Variants in ERCC6 observed in about 807,000 individuals in gnomAD.
ERCC6 encodes the protein DNA excision repair protein ERCC-6.
In ERCC6, 116 loss-of-function variants were observed where a neutral mutation model predicts 158.7. That is an observed-to-expected ratio of 0.73 (90% CI 0.63 to 0.85). The LOEUF is 0.85. Ranked by LOEUF, ERCC6 falls within the 40% of genes least tolerant of loss-of-function variation. The pLI is 0.00. For synonymous variants in ERCC6, 678 were observed against 659.3 expected, an observed-to-expected ratio of 1.03 and a Z score of -0.43; for missense variants, 1,698 against 1,799.4, an observed-to-expected ratio of 0.94 and a Z score of 1.02.
chr10:49,525,958 C>T (rs77184432), intron 4 of ERCC6, among the ~76,000 whole-genome samples: 2,529 of 151,724 alleles, frequency 0.017, 78 homozygotes, highest in African/African-American at 0.059. Flanking sequence ...TGAGCTGCAT[C>T]CTTACTGTTG....
the ERCC6 span, among the ~76,000 whole-genome samples, chr10:49,438,975 G>C: frequency 9.8e-5 from 15 of 152,336 alleles, no homozygotes; most frequent in East Asian, 2.3e-3. Context: ...CTCCGCCCCT[G>C]TGGCTTTGCA....
In ERCC6 at chr10:49,469,770, T is replaced by A. The variant is rs149431274; in HGVS notation, c.3778+412A>T. Reference sequence around the variant, plus strand: ...AACTTTTCTCCCTTGACATAAGCTATCAGCTTTCATACTTCTAGAATGTCT... The same window carrying A: ...AACTTTTCTCCCTTGACATAAGCTAACAGCTTTCATACTTCTAGAATGTCT... On this transcript the variant is annotated intron_variant, in intron 18 of 20. Coordinates refer to ENST00000355832, the MANE Select transcript of ERCC6 (RefSeq NM_000124.4). 3.2e-4 allele frequency among the ~76,000 whole-genome samples: 49 copies of A among 152,332 alleles called. No homozygotes were observed. The East Asian group carries it at 6.2e-3, about 19-fold the overall frequency.
chr10:49,462,264 G>C (rs1238341182), intron 18 of ERCC6, among the ~76,000 whole-genome samples: 1 of 152,116 alleles, frequency 6.6e-6, no homozygotes, highest in Non-Finnish European at 1.5e-5. Context: ...TAATCACTGA[G>C]AAAAACTTAT....
chr10:49,447,370 T>C, the ERCC6 span, among the ~76,000 whole-genome samples: 1 of 152,070 alleles, frequency 6.6e-6, no homozygotes. Flanking sequence ...CATCACCCCA[T>C]AAAAGAACCC....
intron 18 of ERCC6, among the ~76,000 whole-genome samples, chr10:49,465,949 T>G: frequency 6.8e-6 from 1 of 147,848 alleles, no homozygotes; most frequent in African/African-American, 2.5e-5. Flanking sequence ...AAGGAAGGGG[T>G]GGGGACAGGG....
chr10:49,532,901 G>T lies in ERCC6; in HGVS notation c.64C>A (p.Pro22Thr). The change falls in exon 2 of 21, where the codon CCT becomes ACT. Residue 22 changes from proline (P) to threonine (T), a missense_variant. By Grantham distance (38) the Pro-to-Thr change is conservative. Transcript: ENST00000355832. ...GCCATTTCTTCATTATTACTGACAG[G>T]TTGACTCTGTAAACAGTCTTGCTCC... is the stretch of plus-strand genomic sequence containing the variant. ...TQEQDCLQSQ[P>T]VSNNEEMAIK... 1 of 1,614,196 alleles carries T rather than the reference G, an allele frequency of 6.2e-7. No homozygotes were observed. The highest frequency in any genetic ancestry group is 8.5e-7 in the Non-Finnish European group (1 of 1,180,044).
At chr10:49,512,270 C>A (rs1320781341) in intron 5 of ERCC6, among the ~76,000 whole-genome samples, 2 of 152,000 alleles carry the variant, frequency 1.3e-5, no homozygotes, top group Non-Finnish European at 2.9e-5. Flanking sequence ...GGAAATCAAG[C>A]CAAAAGAGAA....
At chr10:49,533,197 G>C (rs1387918468) in intron 1 of ERCC6, among the ~76,000 whole-genome samples, 1 of 152,156 alleles carries the variant, frequency 6.6e-6, no homozygotes, top group Non-Finnish European at 1.5e-5. Context: ...AAGAAATGCA[G>C]TATCATCAAC....
chr10:49,515,452 T>G, intron 5 of ERCC6: 1 of 1,614,172 alleles, frequency 6.2e-7, no homozygotes, highest in Non-Finnish European at 8.5e-7. Flanking sequence ...TGTTTGACTA[T>G]CACATGATTT....
At chr10:49,435,219 A>C in the ERCC6 span, among the ~76,000 whole-genome samples, 1 of 152,318 alleles carries the variant, frequency 6.6e-6, no homozygotes, top group East Asian at 1.9e-4. Flanking sequence ...AAAATCAAAA[A>C]CTGATAGATT....
In ERCC6 at chr10:49,478,218, C is replaced by T; in HGVS notation, c.2286+136G>A. 6 of 782,054 alleles carry T rather than the reference C, an allele frequency of 7.7e-6. No individual in the cohort carries two copies. The South Asian group carries it at 8.1e-5, about 11-fold the overall frequency. 48.4% of individuals were successfully genotyped at this position (782,054 alleles called of 1,614,324 possible). ...GAGAAGAATCCACTGAGGGCAGACG[C>T]CACAGCGGGCCTAGCCTGCCCACAG... On this transcript the variant is annotated intron_variant, in intron 11 of 20. Coordinates refer to ENST00000355832, the MANE Select transcript of ERCC6 (RefSeq NM_000124.4).
chr10:49,466,102 CTAACTG>C (rs1420955042), intron 18 of ERCC6, among the ~76,000 whole-genome samples: 3 of 152,038 alleles, frequency 2.0e-5, no homozygotes, highest in Non-Finnish European at 4.4e-5. Context: ...ATAAATTAAC[CTAACTG>C]TATTTTAAAC....
the ERCC6 span, among the ~76,000 whole-genome samples, chr10:49,442,389 G>A: frequency 2.0e-5 from 3 of 152,212 alleles, no homozygotes; most frequent in Non-Finnish European, 4.4e-5. Flanking sequence ...AGAAGAAAAG[G>A]ATCAATGGTG....
chr10:49,506,210 T>A lies in ERCC6; in HGVS notation c.1398-198A>T, dbSNP rs956277692. ...TCCAGCCATCTCAATTCATTTCTTA[T>A]GTAAATTATTATAGCTGCTCTAGAA... On this transcript the variant is annotated intron_variant, in intron 5 of 20. Transcript: ENST00000355832. The A allele has an allele frequency of 4.9e-6, 3 of 610,434 alleles. No individual in the cohort carries two copies. In the African/African-American group the frequency reaches 5.6e-5, roughly 11 times the overall value. The allele number at this position is 610,434 out of a possible 1,614,324, so 37.8% of individuals were successfully genotyped here. A position where few individuals can be genotyped will look rare whatever the true frequency, so the allele number is the denominator to read the frequency against.
chr10:49,472,883 C>T, intron 15 of ERCC6, 26 bp downstream of exon 15: 1 of 1,607,648 alleles, frequency 6.2e-7, no homozygotes, highest in Non-Finnish European at 8.5e-7. Flanking sequence ...CTAATACATT[C>T]TTTTAAAAAA....
chr10:49,483,753 T>C (rs1157752004), intron 8 of ERCC6, among the ~76,000 whole-genome samples: 2 of 151,520 alleles, frequency 1.3e-5, no homozygotes, highest in Admixed American at 6.6e-5. Flanking sequence ...ATAATACATA[T>C]ATTTATAAAT....
intron 18 of ERCC6, among the ~76,000 whole-genome samples, chr10:49,466,807 GACGGAGTCT>G (rs1299586559): frequency 6.6e-6 from 1 of 152,134 alleles, no homozygotes; most frequent in African/African-American, 2.4e-5. Context: ...TATTTTTTGA[GACGGAGTCT>G]TGCTCTGTCG....
chr10:49,496,749 A>C (rs1371824052), intron 7 of ERCC6, among the ~76,000 whole-genome samples: 1 of 152,340 alleles, frequency 6.6e-6, no homozygotes, highest in South Asian at 2.1e-4. Flanking sequence ...CGGAGGTTGC[A>C]GTGAGCTGAG....
intron 5 of ERCC6, among the ~76,000 whole-genome samples, chr10:49,513,756 G>C (rs1361237809): frequency 6.6e-6 from 1 of 152,118 alleles, no homozygotes; most frequent in Non-Finnish European, 1.5e-5. Flanking sequence ...CTTCCCATCA[G>C]GTTCCTCCCT....
Sources: allele counts gnomAD v4.1 joint callset (sites outside exome capture counted in the v4.1 genomes callset), GRCh38; gene constraint gnomAD v4.1.1; transcripts MANE v1.5; gene names NCBI Gene and HGNC (gene_info 2026-07-23, HGNC 2026-07-21).